Variants in F8 observed in about 807,000 individuals in gnomAD.
The protein encoded by F8 is coagulation factor VIII.
Under a neutral mutation model 140.6 loss-of-function variants are expected in F8, and 12 were observed. The observed-to-expected ratio is 0.09, with a 90% confidence interval of 0.05 to 0.14. F8 has a LOEUF of 0.14. Ranked by LOEUF, F8 falls within the 10% of genes least tolerant of loss-of-function variation. The pLI is 1.00. For synonymous variants in F8, 585 were observed against 614.6 expected, an observed-to-expected ratio of 0.95 and a Z score of 0.71; for missense variants, 1,354 against 1,720.7, an observed-to-expected ratio of 0.79 and a Z score of 3.77.
Position 154,929,063 on chromosome X carries a change from G to C in F8, c.4727C>G (p.Thr1576Ser), listed in dbSNP as rs146306525. 6.6e-6 allele frequency: 8 copies of C among 1,209,493 alleles called. No homozygotes were observed. The highest frequency in any genetic ancestry group is 7.8e-6 in the Non-Finnish European group (7 of 895,026). The change falls in exon 14 of 26, where the codon ACT becomes AGT. Residue 1576 changes from threonine (T) to serine (S), a missense_variant. Thr to Ser is a moderately conservative substitution (Grantham distance 58). Coordinates refer to ENST00000360256, the MANE Select transcript of F8 (RefSeq NM_000132.4). ...AAGAGGATCCAATAGCTTGGAGGGA[G>C]TCTTTGCAGAGCTTTCTGTTGCTAC... is the stretch of plus-strand genomic sequence containing the variant. ...LRVATESSAK[T>S]PSKLLDPLAW...
At chrX:154,904,638 TA>T in intron 16 of F8, 114 bp from the exon 17 acceptor site, 1 of 769,655 alleles carries the variant, frequency 1.3e-6, no homozygotes, top group Non-Finnish European at 2.0e-6. Flanking sequence ...TCCAAAAATA[TA>T]ATCCATCCTC....
rs782462871 is a variant in F8 at position 154,929,352 on chromosome X, A to C, written c.4438T>G (p.Ser1480Ala). The C allele has an allele frequency of 4.7e-5, 57 of 1,210,068 alleles. 1 individual carries two copies. In the South Asian group the frequency reaches 9.2e-4, roughly 19 times the overall value. Residue 1480 changes from serine to alanine, a missense_variant, in exon 14 of 26, where the codon TCC (serine) becomes GCC (alanine). By Grantham distance (99) the Ser-to-Ala change is moderately conservative. Transcript: ENST00000360256. The part of the protein sequence containing the change: ...EMTGDQREVG[S>A]LGTSATNSVT... ...GAATTTGTGGCACTTGTCCCCAGGG[A>C]GCCAACCTCTCTTTGATCACCAGTC...
chrX:154,961,592 C>T (rs1260148901), intron 9 of F8, among the ~76,000 whole-genome samples: 4 of 110,781 alleles, frequency 3.6e-5, no homozygotes, highest in Non-Finnish European at 5.7e-5. Context: ...TTTTTGAATA[C>T]TTTCAATCAA....
chrX:154,980,912 A>C (rs1057183436), intron 6 of F8, among the ~76,000 whole-genome samples: 22 of 112,240 alleles, frequency 2.0e-4, no homozygotes, highest in Non-Finnish European at 3.8e-5. Flanking sequence ...TCAAGACTGC[A>C]GTAATCTATG....
intron 25 of F8, among the ~76,000 whole-genome samples, chrX:154,855,640 G>A (rs1320686217): frequency 9.0e-6 from 1 of 111,128 alleles, no homozygotes; most frequent in African/African-American, 3.3e-5. Flanking sequence ...CAGCCCTGTG[G>A]TGGCAGTATC....
chrX:154,924,503 T>C (rs113224419), intron 14 of F8, among the ~76,000 whole-genome samples: 9,563 of 111,512 alleles, frequency 0.086, 342 homozygotes, highest in African/African-American at 0.1. Flanking sequence ...GTCCTAGAGA[T>C]TTGTGGAACT....
chrX:154,998,875 A>G (rs1171113021), intron 2 of F8, among the ~76,000 whole-genome samples: 3 of 111,533 alleles, frequency 2.7e-5, no homozygotes, highest in African/African-American at 9.8e-5. Flanking sequence ...GGCAGTGGTC[A>G]GTGTCTCCCA....
At chrX:154,956,109 C>T (rs1393497243) in intron 11 of F8, among the ~76,000 whole-genome samples, 6 of 112,170 alleles carry the variant, frequency 5.3e-5, no homozygotes, top group East Asian at 5.6e-4. Context: ...TTCTCCTATT[C>T]GCTTTTGCAA....
chrX:154,929,905 G>A lies in F8; in HGVS notation c.3885C>T (p.Asn1295=), dbSNP rs201393905. 1 of 1,211,262 alleles carries A rather than the reference G, an allele frequency of 8.3e-7. No individual in the cohort carries two copies. Among genetic ancestry groups the A allele is most frequent in the Admixed American group, 2.2e-5 (1 of 46,020 alleles). ...AHFSKKGEEE[N]LEGLGNQTKQ... ...TGGTTTGATTTCCCAAGCCTTCCAA[G>A]TTTTCTTCCTCCCCTTTTTTTGAGA... The change falls in exon 14 of 26, where the codon AAC becomes AAT. Residue 1295 remains asparagine (N), a synonymous_variant. Coordinates refer to ENST00000360256, the MANE Select transcript of F8 (RefSeq NM_000132.4).
intron 6 of F8, among the ~76,000 whole-genome samples, chrX:154,980,255 C>T (rs1273406269): frequency 8.9e-6 from 1 of 111,886 alleles, no homozygotes; most frequent in Non-Finnish European, 1.9e-5. Flanking sequence ...TTTGAGCTTG[C>T]TGATCCTTTC....
At chrX:154,969,196 T>C (rs1280621634) in intron 7 of F8, 135 bp downstream of exon 7, 2 of 581,306 alleles carry the variant, frequency 3.4e-6, no homozygotes, top group African/African-American at 2.3e-5. Context: ...TAGGGGATCT[T>C]GGCTGAGGTC....
chrX:154,980,664 A>G (rs995343770), intron 6 of F8, among the ~76,000 whole-genome samples: 2 of 112,157 alleles, frequency 1.8e-5, no homozygotes, highest in African/African-American at 6.5e-5. Flanking sequence ...GAGCTCGTTT[A>G]GAAATTGAGT....
intron 3 of F8, among the ~76,000 whole-genome samples, chrX:154,994,262 T>C (rs1333472034): frequency 8.9e-6 from 1 of 112,563 alleles, no homozygotes; most frequent in African/African-American, 3.2e-5. Context: ...TGCATTTTAA[T>C]GTACATTACA....
At chrX:154,871,549 A>C (rs181700421) in intron 22 of F8, among the ~76,000 whole-genome samples, 2 of 112,428 alleles carry the variant, frequency 1.8e-5, no homozygotes, top group Admixed American at 1.9e-4. Context: ...AATCAACTCA[A>C]GATGGATCAA....
chrX:155,002,399 T>C (rs1273150930), intron 1 of F8, among the ~76,000 whole-genome samples: 2 of 111,768 alleles, frequency 1.8e-5, no homozygotes, highest in Admixed American at 9.4e-5. Flanking sequence ...CAGAAGAGAA[T>C]AGCATGTGAA....
chrX:154,913,457 A>T (rs1192683433), intron 14 of F8, among the ~76,000 whole-genome samples: 1 of 111,741 alleles, frequency 8.9e-6, no homozygotes, highest in African/African-American at 3.3e-5. Context: ...TCCAGCCTTA[A>T]CCCAAAAGTC....
intron 22 of F8, among the ~76,000 whole-genome samples, chrX:154,875,488 T>C (rs916525863): frequency 1.8e-4 from 20 of 112,032 alleles, no homozygotes; most frequent in Non-Finnish European, 1.7e-4. Context: ...AAACATCAAG[T>C]TGTACCTCTT....
At chrX:155,003,676 C>T in intron 1 of F8, among the ~76,000 whole-genome samples, 1 of 111,590 alleles carries the variant, frequency 9.0e-6, no homozygotes, top group Non-Finnish European at 1.9e-5. Context: ...AAGATGGATG[C>T]AGCTGGGCGC....
chrX:154,917,030 G>A (rs946880040), intron 14 of F8, among the ~76,000 whole-genome samples: 1 of 110,816 alleles, frequency 9.0e-6, no homozygotes, highest in Non-Finnish European at 1.9e-5. Flanking sequence ...TTTCTTCATT[G>A]ACTTATTGGT....
Sources: allele counts gnomAD v4.1 joint callset (sites outside exome capture counted in the v4.1 genomes callset), GRCh38; gene constraint gnomAD v4.1.1; transcripts MANE v1.5; gene names NCBI Gene and HGNC (gene_info 2026-07-23, HGNC 2026-07-21).